Variants in QTGAL observed in about 807,000 individuals in gnomAD.
QTGAL encodes BGnT-like protein 1.
the QTGAL span, among the ~76,000 whole-genome samples, chr17:83,018,998 T>C: frequency 6.6e-6 from 1 of 152,202 alleles, no homozygotes; most frequent in Admixed American, 6.5e-5. Context: ...TCCTGCCCCC[T>C]GACGTTGTGG....
chr17:83,048,869 C>T, the QTGAL span: 1 of 1,074,048 alleles, frequency 9.3e-7, no homozygotes, highest in Non-Finnish European at 1.4e-6. Context: ...CCTTCACCAC[C>T]CGCACATATG....
chr17:83,007,146 C>G, the QTGAL span: 58 of 902,146 alleles, frequency 6.4e-5, 1 homozygote, highest in South Asian at 1.3e-3. Context: ...CTAATTGGAA[C>G]AAACGTGCTC....
At chr17:83,051,676 G>T in the QTGAL span, 7 of 1,377,540 alleles carry the variant, frequency 5.1e-6, no homozygotes, top group Admixed American at 3.0e-5. Flanking sequence ...ACTGGAGGGC[G>T]GGGTGAGGGG....
chr17:82,991,466 C>T, the QTGAL span, among the ~76,000 whole-genome samples: 7 of 152,198 alleles, frequency 4.6e-5, no homozygotes, highest in African/African-American at 1.7e-4. Context: ...TCCACGTAAG[C>T]TTGGTCCTCC....
the QTGAL span, among the ~76,000 whole-genome samples, chr17:82,982,066 G>A: frequency 6.8e-6 from 1 of 147,288 alleles, no homozygotes; most frequent in Admixed American, 6.8e-5. Context: ...CCAAGCGGGT[G>A]GAGGAGCCTC....
At chr17:82,971,148 G>C in the QTGAL span, among the ~76,000 whole-genome samples, 1 of 152,154 alleles carries the variant, frequency 6.6e-6, no homozygotes, top group Non-Finnish European at 1.5e-5. Context: ...CGTTTCACGG[G>C]GACAAACCAC....
At chr17:83,016,644 A>C in the QTGAL span, among the ~76,000 whole-genome samples, 1 of 59,498 alleles carries the variant, frequency 1.7e-5, no homozygotes, top group Non-Finnish European at 3.3e-5. Context: ...CAGAAGAAGG[A>C]GGGAGGAGGC....
chr17:82,970,600 C>CGTGGCCGTGACCTCCGTACCCGGT, the QTGAL span, among the ~76,000 whole-genome samples: 1 of 80,978 alleles, frequency 1.2e-5, no homozygotes, highest in African/African-American at 7.3e-5. Flanking sequence ...CCGCACCCGG[C>CGTGGCCGTGACCTCCGTACCCGGT]GTGGCCGCGA....
chr17:82,991,957 C>A, the QTGAL span, among the ~76,000 whole-genome samples: 1 of 151,958 alleles, frequency 6.6e-6, no homozygotes, highest in African/African-American at 2.4e-5. Flanking sequence ...CAGAATTGAT[C>A]AAGCAGAAGA....
At chr17:83,024,723 C>T in the QTGAL span, among the ~76,000 whole-genome samples, 2 of 152,218 alleles carry the variant, frequency 1.3e-5, no homozygotes, top group Admixed American at 1.3e-4. Flanking sequence ...GGGTAAGGGG[C>T]CTGAGGGTCA....
the QTGAL span, among the ~76,000 whole-genome samples, chr17:82,958,866 T>TGTGTATACTGTGTGGGGGTGTATG: frequency 2.7e-5 from 1 of 37,664 alleles, no homozygotes; most frequent in East Asian, 1.0e-3. Flanking sequence ...GTATGGTGTG[T>TGTGTATACTGTGTGGGGGTGTATG]GTGTGTGTGT....
At chr17:83,007,188 G>A in the QTGAL span, 2 of 977,460 alleles carry the variant, frequency 2.0e-6, no homozygotes, top group Non-Finnish European at 2.4e-6. Flanking sequence ...TTCATATGCT[G>A]CTGAATTCTA....
At chr17:82,983,480 C>T in the QTGAL span, among the ~76,000 whole-genome samples, 2 of 152,304 alleles carry the variant, frequency 1.3e-5, no homozygotes, top group South Asian at 2.1e-4. Context: ...TTTAAACACT[C>T]GGGCACGCGT....
chr17:83,038,322 G>A, the QTGAL span, among the ~76,000 whole-genome samples: 2 of 152,200 alleles, frequency 1.3e-5, no homozygotes, highest in African/African-American at 4.8e-5. Context: ...GCTCATTTCA[G>A]CCCTTCACCT....
chr17:82,992,417 G>A, the QTGAL span, among the ~76,000 whole-genome samples: 4 of 152,284 alleles, frequency 2.6e-5, no homozygotes, highest in East Asian at 5.8e-4. Flanking sequence ...CATGACATAT[G>A]TAACGTGCTG....
At chr17:82,996,470 C>T in the QTGAL span, among the ~76,000 whole-genome samples, 12 of 148,916 alleles carry the variant, frequency 8.1e-5, no homozygotes, top group Admixed American at 6.1e-4. Context: ...TGCAGTGAGC[C>T]GAGAACGCGC....
At chr17:83,051,428 G>A in the QTGAL span, among the ~76,000 whole-genome samples, 1 of 152,162 alleles carries the variant, frequency 6.6e-6, no homozygotes, top group Non-Finnish European at 1.5e-5. Context: ...TGAGCTCCGA[G>A]CCCGGAAGCT....
chr17:83,003,164 C>T, the QTGAL span, among the ~76,000 whole-genome samples: 1 of 22,416 alleles, frequency 4.5e-5, no homozygotes, highest in Non-Finnish European at 8.4e-5. Context: ...CTGCAGTCCG[C>T]GTGTGGGATT....
chr17:82,953,892 C>T, the QTGAL span, among the ~76,000 whole-genome samples: 4 of 152,204 alleles, frequency 2.6e-5, no homozygotes, highest in East Asian at 3.8e-4. Context: ...GAACCAAAGA[C>T]GAAGACCACA....
Sources: allele counts gnomAD v4.1 joint callset (sites outside exome capture counted in the v4.1 genomes callset), GRCh38; gene constraint gnomAD v4.1.1; transcripts MANE v1.5; gene names NCBI Gene and HGNC (gene_info 2026-07-23, HGNC 2026-07-21).